ATP8A2: variants seen among roughly 807,000 people sequenced by gnomAD.
ATP8A2 encodes ATPase phospholipid transporting 8A2.
Under a neutral mutation model 165.6 loss-of-function variants are expected in ATP8A2, and 100 were observed. The observed-to-expected ratio is 0.60, with a 90% CI of 0.51 to 0.71. ATP8A2 has a LOEUF of 0.71. ATP8A2 is among the 30% of genes least tolerant of loss of function. The pLI, the probability that ATP8A2 is intolerant of heterozygous loss-of-function variation, is 0.00. For synonymous variants in ATP8A2, 543 were observed against 548.8 expected (o/e 0.99, Z 0.15); for missense variants, 1,227 against 1,479.5 (o/e 0.83, Z 2.80).
intron 30 of ATP8A2, among the ~76,000 whole-genome samples, chr13:25,846,777 A>C (rs574864817): frequency 2.6e-5 from 4 of 152,172 alleles, no homozygotes; most frequent in Non-Finnish European, 1.5e-5. Context: ...CAATCATGGC[A>C]CTTGAGAAAA....
At chr13:25,928,916 C>T (rs916236052) in intron 33 of ATP8A2, among the ~76,000 whole-genome samples, 4 of 152,220 alleles carry the variant, frequency 2.6e-5, no homozygotes, top group Admixed American at 1.3e-4. Flanking sequence ...GTGAACAGTT[C>T]GACCCCTGAG....
intron 24 of ATP8A2, among the ~76,000 whole-genome samples, chr13:25,638,412 A>C (rs1000742150): frequency 1.3e-5 from 2 of 152,226 alleles, no homozygotes; most frequent in Non-Finnish European, 2.9e-5. Flanking sequence ...AAGTCCTTAA[A>C]TGACCTAATA....
intron 35 of ATP8A2, among the ~76,000 whole-genome samples, chr13:26,005,243 T>A (rs1956715500): frequency 6.6e-6 from 1 of 152,042 alleles, no homozygotes; most frequent in South Asian, 2.1e-4. Flanking sequence ...CATATGATTG[T>A]TTGTAGTAAT....
Position 25,581,926 on chromosome 13 carries a change from A to C in ATP8A2, c.2115A>C (p.Thr705=). 6.2e-7 allele frequency: 1 copy of C among 1,612,762 alleles called. No homozygotes were observed. Among genetic ancestry groups the C allele is most frequent in the South Asian group, 1.1e-5 (1 of 90,442 alleles). ...CAGAAATTAAAATATGGGTGTTGAC[A>C]GGAGACAAACAAGAAACTGCGATTA... ...LKAEIKIWVL[T]GDKQETAINI... is the part of the protein sequence containing the mutation. The change falls in exon 23 of 37, where the codon ACA becomes ACC. Residue 705 remains threonine (T), a synonymous_variant. Coordinates refer to ENST00000381655, the MANE Select transcript of ATP8A2 (RefSeq NM_016529.6).
rs199873074 is a variant in ATP8A2 at position 25,599,694 on chromosome 13, AAAG to A, written c.2211+10000_2211+10002del. On this transcript the variant is annotated intron_variant, in intron 24 of 36. Transcript: ENST00000381655. ...AGGGAAACTTAGCTGGATCAGGAGA[AAAG>A]AAGACCAGAATAGTGCATCTGTTTC... 2.8e-3 allele frequency among the ~76,000 whole-genome samples: 421 copies of A among 152,316 alleles called. 2 individuals carry two copies. Among genetic ancestry groups the A allele is most frequent in the African/African-American group, 9.6e-3 (400 of 41,572 alleles).
chr13:25,694,913 C>T (rs1400460654), intron 24 of ATP8A2, among the ~76,000 whole-genome samples: 4 of 152,070 alleles, frequency 2.6e-5, no homozygotes, highest in Admixed American at 2.0e-4. Context: ...GAACTCCTGG[C>T]CTCAGGTGAT....
chr13:25,776,982 T>TA (rs1206446605), intron 27 of ATP8A2, among the ~76,000 whole-genome samples: 1 of 152,034 alleles, frequency 6.6e-6, no homozygotes, highest in East Asian at 1.9e-4. Flanking sequence ...TTTTTTTTTT[T>TA]ACTTCAAGTG....
intron 1 of ATP8A2, among the ~76,000 whole-genome samples, chr13:25,432,668 T>C (rs914127178): frequency 2.0e-5 from 3 of 152,134 alleles, no homozygotes; most frequent in Non-Finnish European, 4.4e-5. Flanking sequence ...CCTGTCATTT[T>C]TTTTTTTCTG....
intron 1 of ATP8A2, among the ~76,000 whole-genome samples, chr13:25,384,778 A>T (rs2032979278): frequency 6.6e-6 from 1 of 152,082 alleles, no homozygotes; most frequent in South Asian, 2.1e-4. Context: ...TTTGTTATTT[A>T]AGTTCTGTTT....
chr13:25,766,132 G>A (rs900817481), intron 25 of ATP8A2, among the ~76,000 whole-genome samples: 21 of 152,298 alleles, frequency 1.4e-4, no homozygotes, highest in African/African-American at 5.1e-4. Flanking sequence ...TGCAGATTAA[G>A]TGATGCCCTC....
At chr13:25,618,056 G>A (rs952994168) in intron 24 of ATP8A2, among the ~76,000 whole-genome samples, 1 of 152,156 alleles carries the variant, frequency 6.6e-6, no homozygotes, top group Admixed American at 6.6e-5. Context: ...CAATTGGAAA[G>A]ATTTCCCAGT....
chr13:25,667,457 A>T (rs999151585), intron 24 of ATP8A2, among the ~76,000 whole-genome samples: 2 of 152,170 alleles, frequency 1.3e-5, no homozygotes, highest in South Asian at 4.1e-4. Context: ...TTCTCACGGG[A>T]GTCAGTTGTT....
intron 25 of ATP8A2, among the ~76,000 whole-genome samples, chr13:25,745,544 T>C (rs576157547): frequency 7.2e-5 from 11 of 152,216 alleles, no homozygotes; most frequent in Admixed American, 1.3e-4. Flanking sequence ...ATATTTCATT[T>C]GCTTGGTCTA....
chr13:25,788,656 C>T (rs2045091586), intron 27 of ATP8A2, among the ~76,000 whole-genome samples: 1 of 152,194 alleles, frequency 6.6e-6, no homozygotes, highest in Non-Finnish European at 1.5e-5. Context: ...TTAAAGACAG[C>T]TCTACCTTAA....
chr13:25,968,545 T>C, intron 34 of ATP8A2, 30 bp from the exon 35 acceptor site: 1 of 1,588,488 alleles, frequency 6.3e-7, no homozygotes, highest in Non-Finnish European at 8.6e-7. Context: ...CTCTATGCCA[T>C]GTTCGTTTTG....
At chr13:25,480,060 A>AG (rs2036117885) in intron 2 of ATP8A2, among the ~76,000 whole-genome samples, 1 of 147,882 alleles carries the variant, frequency 6.8e-6, no homozygotes, top group Non-Finnish European at 1.5e-5. Context: ...ACTTCCCAGT[A>AG]GGGGCGGCTG....
intron 1 of ATP8A2, among the ~76,000 whole-genome samples, chr13:25,384,420 C>T (rs2032965991): frequency 6.6e-6 from 1 of 152,156 alleles, no homozygotes; most frequent in Admixed American, 6.5e-5. Flanking sequence ...ATGCATTCTC[C>T]CTTTTCTGGT....
chr13:25,924,379 C>G (rs191020189), intron 33 of ATP8A2, among the ~76,000 whole-genome samples: 25 of 152,196 alleles, frequency 1.6e-4, no homozygotes, highest in African/African-American at 5.5e-4. Flanking sequence ...TGTTCCAGGT[C>G]TCTCCTAACT....
intron 2 of ATP8A2, chr13:25,517,246 GAAT>G (rs1262040637): frequency 6.6e-6 from 1 of 151,878 alleles, no homozygotes; most frequent in Non-Finnish European, 1.5e-5. Flanking sequence ...AAAAAAGAAA[GAAT>G]AAATCACTTG....
Sources: gnomAD v4.1 joint callset for allele counts (sites outside exome capture counted in the v4.1 genomes callset) on GRCh38, gnomAD v4.1.1 for gene constraint, MANE v1.5 for transcripts, NCBI Gene and HGNC (gene_info 2026-07-23, HGNC 2026-07-21) for gene names.